The following TMEM260 variants were observed in gnomAD, a reference collection of about 807,000 sequenced individuals.
The protein encoded by TMEM260 is transmembrane protein 260.
Under a neutral mutation model 88.9 loss-of-function variants are expected in TMEM260, and 82 were observed. The observed-to-expected ratio is 0.92, with a 90% CI of 0.77 to 1.11. TMEM260 has a LOEUF of 1.11. Among genes scored for constraint, TMEM260 ranks in the 50% least tolerant of loss-of-function variants. TMEM260 has a pLI of 0.00. For synonymous variants in TMEM260, 314 were observed against 309.3 expected (o/e 1.02, Z -0.16); for missense variants, 902 against 853.4 (o/e 1.06, Z -0.71).
intron 10 of TMEM260, chr14:56,619,595 G>C (rs747175257): frequency 6.6e-6 from 1 of 152,070 alleles, no homozygotes; most frequent in Non-Finnish European, 1.5e-5. Flanking sequence ...CATAAAAGAC[G>C]TCTAAGTCTT....
At chr14:56,658,295 T>C in the TMEM260 span, among the ~76,000 whole-genome samples, 1 of 151,984 alleles carries the variant, frequency 6.6e-6, no homozygotes, top group African/African-American at 2.4e-5. Flanking sequence ...TTGCCCAGGC[T>C]GGAGTGCAAT....
At chr14:56,640,692 C>T (rs1889521807) in intron 15 of TMEM260, among the ~76,000 whole-genome samples, 1 of 152,140 alleles carries the variant, frequency 6.6e-6, no homozygotes, top group Non-Finnish European at 1.5e-5. Flanking sequence ...GATCAAACTA[C>T]TCCAAGCTAA....
At chr14:56,596,425 T>TATATATATATATATATATATAC (rs1490067903) in intron 3 of TMEM260, among the ~76,000 whole-genome samples, 37 of 135,612 alleles carry the variant, frequency 2.7e-4, no homozygotes, top group African/African-American at 1.1e-3. Context: ...TATATATATA[T>TATATATATATATATATATATAC]ACATACACAC....
chr14:56,652,718 A>G (rs1890227796), downstream of TMEM260, among the ~76,000 whole-genome samples: 1 of 152,202 alleles, frequency 6.6e-6, no homozygotes, highest in Admixed American at 6.5e-5. Flanking sequence ...AACTTCACTG[A>G]TAGAGAATAC....
chr14:56,660,029 A>G, the TMEM260 span, among the ~76,000 whole-genome samples: 199 of 152,330 alleles, frequency 1.3e-3, no homozygotes, highest in African/African-American at 4.6e-3. Flanking sequence ...GCTGGATGGA[A>G]TATTAAACCT....
chr14:56,659,839 A>C, the TMEM260 span, among the ~76,000 whole-genome samples: 1 of 152,222 alleles, frequency 6.6e-6, no homozygotes, highest in African/African-American at 2.4e-5. Context: ...AATTATTCTT[A>C]GAAGATGTGA....
chr14:56,621,309 C>A (rs1887901471), intron 10 of TMEM260, among the ~76,000 whole-genome samples: 1 of 151,442 alleles, frequency 6.6e-6, no homozygotes, highest in Admixed American at 6.6e-5. Flanking sequence ...ATTATAAACT[C>A]CAGAAGTAAG....
At chr14:56,642,013 C>G (rs1006419787) in intron 15 of TMEM260, among the ~76,000 whole-genome samples, 4 of 152,154 alleles carry the variant, frequency 2.6e-5, no homozygotes, top group Admixed American at 2.6e-4. Context: ...TAAAGCAAGT[C>G]CTTAGTGACC....
chr14:56,661,691 TGTGA>T, the TMEM260 span, among the ~76,000 whole-genome samples: 1 of 152,362 alleles, frequency 6.6e-6, no homozygotes, highest in African/African-American at 2.4e-5. Flanking sequence ...CTCCCTGCCA[TGTGA>T]GTGAGTTTCC....
chr14:56,659,953 C>A, the TMEM260 span, among the ~76,000 whole-genome samples: 1 of 151,968 alleles, frequency 6.6e-6, no homozygotes, highest in Non-Finnish European at 1.5e-5. Context: ...GAGAAGCAAT[C>A]TATGTACTTA....
intron 15 of TMEM260, among the ~76,000 whole-genome samples, chr14:56,639,348 G>A (rs1489815524): frequency 6.6e-6 from 1 of 152,168 alleles, no homozygotes; most frequent in Non-Finnish European, 1.5e-5. Flanking sequence ...AATGCTTGAG[G>A]TGATGGATAC....
intron 12 of TMEM260, among the ~76,000 whole-genome samples, chr14:56,626,895 C>T (rs1269690098): frequency 6.6e-6 from 1 of 152,148 alleles, no homozygotes; most frequent in Non-Finnish European, 1.5e-5. Flanking sequence ...GGATTCCACT[C>T]ACCTTTAACA....
intron 11 of TMEM260, among the ~76,000 whole-genome samples, chr14:56,622,340 CTCAAAAA>C (rs1459109737): frequency 3.3e-5 from 2 of 61,028 alleles, no homozygotes; most frequent in Non-Finnish European, 6.9e-5. Flanking sequence ...GAGACTCCGT[CTCAAAAA>C]AAAAAAAAAA....
intron 3 of TMEM260, among the ~76,000 whole-genome samples, chr14:56,592,631 G>C (rs1885935482): frequency 6.6e-6 from 1 of 152,180 alleles, no homozygotes; most frequent in South Asian, 2.1e-4. Context: ...GACCCAGAAA[G>C]ATAAGAACAT....
rs190118020 is a variant in TMEM260 at position 56,642,900 on chromosome 14, G to C, written c.1870-4343G>C. On this transcript the variant is annotated intron_variant, in intron 15 of 15. Transcript: ENST00000261556. ...TAAACACGTCTATGCAAATAAACTA[G>C]AAACTAATCTAGAAGAAATGGATAA... Among the ~76,000 whole-genome samples, 7 of 152,192 alleles carry C rather than the reference G, an allele frequency of 4.6e-5. 1 individual carries two copies. Among genetic ancestry groups the C allele is most frequent in the Middle Eastern group, 3.4e-3 (1 of 294 alleles).
At position 56,596,406 on chromosome 14, in the gene TMEM260, G is replaced by GTA. The variant is rs890940479; in HGVS notation, c.345-7390_345-7389dup. On this transcript the variant is annotated intron_variant, in intron 3 of 15. Coordinates refer to ENST00000261556, the MANE Select transcript of TMEM260 (RefSeq NM_017799.4). The stretch of plus-strand genomic sequence containing the variant: ...AGTGTGTGTGTGTGTGTGTGTGTGT[G>GTA]TATATATATATATATATATACATAC... Among the ~76,000 whole-genome samples the GTA allele has an allele frequency of 4.4e-3, 493 of 111,322 alleles. 3 individuals carry two copies. Among genetic ancestry groups the GTA allele is most frequent in the Non-Finnish European group, 7.7e-3 (373 of 48,708 alleles). 73.0% of individuals were successfully genotyped at this position (111,322 alleles called of 152,430 possible). A position where few individuals can be genotyped will look rare whatever the true frequency, so the allele number is the denominator to read the frequency against.
chr14:56,635,313 A>G (rs1434772107), intron 14 of TMEM260, among the ~76,000 whole-genome samples: 4 of 152,212 alleles, frequency 2.6e-5, no homozygotes, highest in Non-Finnish European at 5.9e-5. Context: ...TAATCATTAC[A>G]ACCTCGCCTC....
chr14:56,607,803 T>C (rs1423636950), intron 5 of TMEM260, among the ~76,000 whole-genome samples: 4 of 152,166 alleles, frequency 2.6e-5, no homozygotes, highest in Admixed American at 6.5e-5. Flanking sequence ...CAGACATCAG[T>C]ATTTTTAAGA....
chr14:56,594,165 T>G (rs2151773), intron 3 of TMEM260, among the ~76,000 whole-genome samples: 135,081 of 151,926 alleles, frequency 0.89, 60,225 homozygotes, highest in East Asian at 1. Context: ...TTGCTCTGTT[T>G]AGGCTTTGTA....
Sources: gnomAD v4.1 joint callset for allele counts (sites outside exome capture counted in the v4.1 genomes callset) on GRCh38, gnomAD v4.1.1 for gene constraint, MANE v1.5 for transcripts, NCBI Gene and HGNC (gene_info 2026-07-23, HGNC 2026-07-21) for gene names.